PVALEF: variants seen among roughly 807,000 people sequenced by gnomAD.
PVALEF encodes the protein parvalbumin like EF-hand containing.
Under a neutral mutation model 1.2 loss-of-function variants are expected in PVALEF, and 2 were observed. The ratio of observed to expected loss-of-function variants is 1.68; its 90% confidence interval spans 0.69 to 5.28. The LOEUF (loss-of-function observed/expected upper bound fraction) is 5.28. Ranked by LOEUF, PVALEF falls within the 30% of genes most tolerant of loss-of-function variation. PVALEF has a pLI of 0.06. For synonymous variants in PVALEF, 16 were observed against 6.5 expected, an observed-to-expected ratio of 2.47 and a Z score of -2.24; for missense variants, 35 against 17.7, an observed-to-expected ratio of 1.97 and a Z score of -1.75.
chr17:81,181,394 C>A, intron 4 of PVALEF, 62 bp downstream of exon 4: 1 of 586,624 alleles, frequency 1.7e-6, no homozygotes, highest in African/African-American at 1.9e-5. Context: ...GGTCAGGAGA[C>A]CTCATCCCTT....
intron 1 of PVALEF, 198 bp downstream of exon 1, chr17:81,165,945 G>T (rs573922340): frequency 1.3e-6 from 2 of 1,582,750 alleles, no homozygotes; most frequent in East Asian, 2.3e-5. Context: ...CACCGGGGTC[G>T]AAGTGCGAGC....
At chr17:81,182,558 G>A (rs2061558520) in intron 6 of PVALEF, among the ~76,000 whole-genome samples, 1 of 152,162 alleles carries the variant, frequency 6.6e-6, no homozygotes, top group Non-Finnish European at 1.5e-5. Flanking sequence ...GGGGTCACAA[G>A]GCTTGACAGG....
chr17:81,166,442 G>T (rs1175639885), intron 1 of PVALEF, among the ~76,000 whole-genome samples: 1 of 114,248 alleles, frequency 8.8e-6, no homozygotes, highest in Admixed American at 8.4e-5. Context: ...GGCACGGAGT[G>T]GGGGGATGGT....
intron 2 of PVALEF, among the ~76,000 whole-genome samples, chr17:81,172,417 C>A (rs567942588): frequency 6.6e-6 from 1 of 152,310 alleles, no homozygotes; most frequent in South Asian, 2.1e-4. Context: ...ACACTCACTG[C>A]AACATTATAT....
Position 81,165,507 on chromosome 17 carries a change from G to A in PVALEF, c.-748G>A. 1.6e-6 allele frequency: 1 copy of A among 618,420 alleles called. No individual in the cohort carries two copies. Among genetic ancestry groups the A allele is most frequent in the Admixed American group, 3.0e-5 (1 of 33,898 alleles). The allele number at this position is 618,420 out of a possible 1,614,324, so 38.3% of individuals were successfully genotyped here. On this transcript the variant is annotated 5_prime_UTR_variant, in exon 1 of 7. Transcript: ENST00000637878. ...TGCTGGTGGCTGGGCAGGGCTCTGA[G>A]AATCGCTCCCAGCCTGGGAAGAAGC...
At chr17:81,176,437 G>A (rs962687811) in intron 2 of PVALEF, among the ~76,000 whole-genome samples, 1 of 152,052 alleles carries the variant, frequency 6.6e-6, no homozygotes, top group Admixed American at 6.6e-5. Flanking sequence ...GAGAATCATT[G>A]AACCCAGAAA....
At chr17:81,177,494 C>T (rs936712675) in intron 2 of PVALEF, among the ~76,000 whole-genome samples, 2 of 150,384 alleles carry the variant, frequency 1.3e-5, no homozygotes, top group African/African-American at 2.5e-5. Context: ...GTTGCAGGGC[C>T]GAGATCACAC....
intron 2 of PVALEF, among the ~76,000 whole-genome samples, chr17:81,172,713 G>A (rs1031929196): frequency 5.9e-5 from 9 of 152,072 alleles, no homozygotes; most frequent in South Asian, 2.1e-4. Context: ...GCAGTGAGCC[G>A]AGACCGCGAC....
At chr17:81,177,594 A>G (rs1430806981) in intron 2 of PVALEF, among the ~76,000 whole-genome samples, 1 of 152,086 alleles carries the variant, frequency 6.6e-6, no homozygotes, top group South Asian at 2.1e-4. Flanking sequence ...GTAAATTTAT[A>G]CTATGTGAAT....
intron 2 of PVALEF, among the ~76,000 whole-genome samples, chr17:81,178,253 A>C (rs2061541948): frequency 6.6e-6 from 1 of 152,204 alleles, no homozygotes; most frequent in Admixed American, 6.5e-5. Flanking sequence ...GGCCTATGTA[A>C]GAGGCCCGGG....
At position 81,165,724 on chromosome 17, in the gene PVALEF, A is replaced by T. The variant is rs1266901133; in HGVS notation, c.-531A>T. ...CCACGGAGTCACGACCACGCGGGGG[A>T]CGCCAGCCCACAGGCGGAGGCCGGT... On this transcript the variant is annotated 5_prime_UTR_variant, in exon 1 of 7. Transcript: ENST00000637878. 6.6e-6 allele frequency: 10 copies of T among 1,521,864 alleles called. No homozygotes were observed. Among genetic ancestry groups the T allele is most frequent in the Middle Eastern group, 1.7e-4 (1 of 5,900 alleles). The allele number at this position is 1,521,864 out of a possible 1,614,324, so 94.3% of individuals were successfully genotyped here. A position where few individuals can be genotyped will look rare whatever the true frequency, so the allele number is the denominator to read the frequency against.
At chr17:81,176,045 G>T (rs1232085162) in intron 2 of PVALEF, among the ~76,000 whole-genome samples, 1 of 152,164 alleles carries the variant, frequency 6.6e-6, no homozygotes, top group Non-Finnish European at 1.5e-5. Flanking sequence ...TGAATAACCA[G>T]AAATTTAGAG....
At chr17:81,172,052 G>C (rs926617113) in intron 2 of PVALEF, among the ~76,000 whole-genome samples, 1 of 152,194 alleles carries the variant, frequency 6.6e-6, no homozygotes, top group Non-Finnish European at 1.5e-5. Context: ...TGGTATGTGG[G>C]GGCGTCTGCC....
At chr17:81,173,143 G>A (rs1393691864) in intron 2 of PVALEF, among the ~76,000 whole-genome samples, 6 of 152,162 alleles carry the variant, frequency 3.9e-5, no homozygotes, top group Non-Finnish European at 4.4e-5. Context: ...TATGAGAGAT[G>A]CCGGCGAGGG....
At chr17:81,170,099 T>C (rs2061514746) in intron 2 of PVALEF, among the ~76,000 whole-genome samples, 1 of 150,606 alleles carries the variant, frequency 6.6e-6, no homozygotes, top group African/African-American at 2.5e-5. Context: ...TGTGTGTTGG[T>C]TTGTGTGTCT....
intron 2 of PVALEF, among the ~76,000 whole-genome samples, chr17:81,168,190 TC>T (rs1297478147): frequency 6.6e-6 from 1 of 152,162 alleles, no homozygotes; most frequent in Non-Finnish European, 1.5e-5. Flanking sequence ...AGAGTTTCTG[TC>T]CAGAACTTCC....
At chr17:81,170,006 C>G (rs185667013) in intron 2 of PVALEF, among the ~76,000 whole-genome samples, 159 of 143,216 alleles carry the variant, frequency 1.1e-3, no homozygotes, top group African/African-American at 3.7e-3. Flanking sequence ...GTTGGTGTGT[C>G]TGCATGTGTA....
At position 81,165,896 on chromosome 17, in the gene PVALEF, G is replaced by C. The variant is rs2061484298; in HGVS notation, c.-508+149G>C. On this transcript the variant is annotated intron_variant, in intron 1 of 6. Transcript: ENST00000637878. ...GCCCAGGGGCATCACGTCCGCAGCGGAGGGAGGCAGCGGCGCGCAGGCCGG... is the reference window on the plus strand; with the variant it reads ...GCCCAGGGGCATCACGTCCGCAGCGCAGGGAGGCAGCGGCGCGCAGGCCGG... 1.9e-6 allele frequency: 3 copies of C among 1,559,094 alleles called. No homozygotes were observed. In the South Asian group the frequency reaches 3.6e-5, roughly 18 times the overall value.
Position 81,183,095 on chromosome 17 carries a change from G to C in PVALEF, c.*84G>C, listed in dbSNP as rs565574106. 2 of 398,490 alleles carry C rather than the reference G, an allele frequency of 5.0e-6. No individual in the cohort carries two copies. The highest frequency in any genetic ancestry group is 4.1e-5 in the African/African-American group (2 of 48,640). 24.7% of individuals were successfully genotyped at this position (398,490 alleles called of 1,614,324 possible). ...CACCTGGGCAGAAGCCGTTGGGGCC[G>C]GTAAGAGGCGGCAGCCGTGAGGGTG... On this transcript the variant is annotated 3_prime_UTR_variant, in exon 7 of 7. Transcript: ENST00000637878.
Sources: gnomAD v4.1 joint callset for allele counts (sites outside exome capture counted in the v4.1 genomes callset) on GRCh38, gnomAD v4.1.1 for gene constraint, MANE v1.5 for transcripts, NCBI Gene and HGNC (gene_info 2026-07-23, HGNC 2026-07-21) for gene names.